The following KCNH1 variants were observed in gnomAD, a reference collection of about 807,000 sequenced individuals.
KCNH1 encodes voltage-gated delayed rectifier potassium channel KCNH1.
Under a neutral mutation model 69.2 loss-of-function variants are expected in KCNH1, and 27 were observed. The observed-to-expected ratio is 0.39, with a 90% CI of 0.29 to 0.54. KCNH1 has a LOEUF of 0.54. Ranked by LOEUF, KCNH1 falls within the 20% of genes least tolerant of loss-of-function variation. The pLI is 0.68. For missense variants in KCNH1, 798 were observed against 1,261.6 expected, an observed-to-expected ratio of 0.63 and a Z score of 5.57; for synonymous variants, 456 against 487.7, an observed-to-expected ratio of 0.93 and a Z score of 0.86.
intron 7 of KCNH1, among the ~76,000 whole-genome samples, chr1:210,883,441 T>C (rs897077973): frequency 6.6e-6 from 1 of 152,206 alleles, no homozygotes; most frequent in Non-Finnish European, 1.5e-5. Flanking sequence ...ACACAAAGCA[T>C]GTATCCTAAC....
At chr1:210,856,406 AC>A (rs2102473646) in intron 7 of KCNH1, among the ~76,000 whole-genome samples, 1 of 151,762 alleles carries the variant, frequency 6.6e-6, no homozygotes, top group Non-Finnish European at 1.5e-5. Flanking sequence ...CCTAACCCCC[AC>A]CCCAAAACTG....
intron 6 of KCNH1, among the ~76,000 whole-genome samples, chr1:211,007,364 G>C (rs79195643): frequency 0.064 from 9,813 of 152,202 alleles, 507 homozygotes; most frequent in South Asian, 0.18. Flanking sequence ...GTTTAACTGG[G>C]TTAAGAGCTT....
intron 10 of KCNH1, among the ~76,000 whole-genome samples, chr1:210,691,897 T>C (rs753142226): frequency 1.3e-5 from 2 of 152,244 alleles, no homozygotes; most frequent in Admixed American, 1.3e-4. Context: ...CCTGCCTCCC[T>C]GGAGGATGCT....
At chr1:211,052,274 G>A (rs913616638) in intron 5 of KCNH1, among the ~76,000 whole-genome samples, 2 of 152,242 alleles carry the variant, frequency 1.3e-5, no homozygotes, top group Non-Finnish European at 2.9e-5. Context: ...AAGGCAACAG[G>A]AAGGCCATGC....
intron 10 of KCNH1, among the ~76,000 whole-genome samples, chr1:210,745,463 G>A (rs559843690): frequency 7.2e-5 from 11 of 152,276 alleles, no homozygotes; most frequent in African/African-American, 2.6e-4. Flanking sequence ...GCTTCTGAAA[G>A]TAGCCAAAAA....
intron 7 of KCNH1, among the ~76,000 whole-genome samples, chr1:210,901,814 T>A (rs998019493): frequency 1.3e-5 from 2 of 152,228 alleles, no homozygotes; most frequent in Non-Finnish European, 2.9e-5. Context: ...TTATATTCCA[T>A]TTATCTGTTT....
chr1:210,862,173 T>C, intron 7 of KCNH1: 1 of 1,351,028 alleles, frequency 7.4e-7, no homozygotes, highest in Non-Finnish European at 1.1e-6. Context: ...GGAGCAGCGT[T>C]GAGACAAAAT....
chr1:211,041,578 T>A (rs147479211), intron 5 of KCNH1, among the ~76,000 whole-genome samples: 1 of 152,310 alleles, frequency 6.6e-6, no homozygotes, highest in East Asian at 1.9e-4. Context: ...ATATCATACA[T>A]CAACTTGTAT....
intron 6 of KCNH1, among the ~76,000 whole-genome samples, chr1:211,001,794 C>G (rs780778658): frequency 3.2e-4 from 48 of 152,058 alleles, no homozygotes; most frequent in Non-Finnish European, 6.5e-4. Context: ...ACTGGATTAA[C>G]AAAATGTGGC....
chr1:210,888,637 G>C (rs990047135), intron 7 of KCNH1, among the ~76,000 whole-genome samples: 2 of 152,038 alleles, frequency 1.3e-5, no homozygotes, highest in African/African-American at 4.8e-5. Flanking sequence ...TTTTTGAAAA[G>C]ATTAACAAAA....
intron 7 of KCNH1, among the ~76,000 whole-genome samples, chr1:210,884,575 C>T (rs1466286095): frequency 6.6e-6 from 1 of 152,206 alleles, no homozygotes; most frequent in African/African-American, 2.4e-5. Context: ...GATCTTTCCT[C>T]AACCTCAGGA....
At chr1:211,032,357 A>G (rs1444112253) in intron 5 of KCNH1, among the ~76,000 whole-genome samples, 3 of 152,210 alleles carry the variant, frequency 2.0e-5, no homozygotes, top group Non-Finnish European at 2.9e-5. Flanking sequence ...TATAGATTCA[A>G]TGCCATCCCC....
intron 10 of KCNH1, among the ~76,000 whole-genome samples, chr1:210,693,844 G>A (rs73067434): frequency 6.9e-4 from 105 of 152,208 alleles, no homozygotes; most frequent in African/African-American, 2.3e-3. Context: ...CCTGGGAGAC[G>A]CATGCTAACT....
intron 10 of KCNH1, among the ~76,000 whole-genome samples, chr1:210,699,687 A>G (rs1681726475): frequency 6.6e-6 from 1 of 152,192 alleles, no homozygotes; most frequent in South Asian, 2.1e-4. Flanking sequence ...CCAATTTTCA[A>G]TGACATTTCA....
At chr1:210,771,190 A>C (rs181802363) in intron 10 of KCNH1, among the ~76,000 whole-genome samples, 10 of 152,332 alleles carry the variant, frequency 6.6e-5, no homozygotes, top group Non-Finnish European at 1.3e-4. Context: ...TAGAGAGCCA[A>C]GGGTTTGATG....
intron 5 of KCNH1, among the ~76,000 whole-genome samples, chr1:211,054,290 A>C (rs923466477): frequency 1.3e-5 from 2 of 151,520 alleles, no homozygotes; most frequent in Non-Finnish European, 2.9e-5. Flanking sequence ...TCAAAAAAGA[A>C]AAAAAAAATT....
intron 5 of KCNH1, among the ~76,000 whole-genome samples, chr1:211,022,929 T>G (rs1419605446): frequency 6.6e-6 from 1 of 151,780 alleles, no homozygotes; most frequent in Non-Finnish European, 1.5e-5. Context: ...CTGGCCAACA[T>G]GGTAAAACCC....
At chr1:210,755,314 G>T (rs962247053) in intron 10 of KCNH1, among the ~76,000 whole-genome samples, 1 of 141,946 alleles carries the variant, frequency 7.0e-6, no homozygotes, top group African/African-American at 2.7e-5. Context: ...ATAATCAGGG[G>T]CTGCCTCCAG....
At chr1:210,807,633 A>G (rs1256269764) in intron 7 of KCNH1, among the ~76,000 whole-genome samples, 4 of 151,196 alleles carry the variant, frequency 2.6e-5, no homozygotes, top group Non-Finnish European at 5.9e-5. Context: ...ATAAATAAAT[A>G]AATAATAATA....
Sources: allele counts gnomAD v4.1 joint callset (sites outside exome capture counted in the v4.1 genomes callset), GRCh38; gene constraint gnomAD v4.1.1; transcripts MANE v1.5; gene names NCBI Gene and HGNC (gene_info 2026-07-23, HGNC 2026-07-21).